The following VILL variants were observed in gnomAD, a reference collection of about 807,000 sequenced individuals.
The protein encoded by VILL is villin like, also known as villin-like protein.
A neutral mutation model predicts 106.3 loss-of-function variants in VILL; 102 were observed. That is an observed-to-expected ratio of 0.96 (90% confidence interval 0.82 to 1.13). The LOEUF (loss-of-function observed/expected upper bound fraction) is 1.13, where lower values mean the gene tolerates loss of function less well. Ranked by LOEUF, VILL falls within the 50% of genes most tolerant of loss-of-function variation. The probability of loss-of-function intolerance (pLI) is 0.00; values close to 1 mark genes in which losing one functional copy is unlikely to be tolerated. For missense variants in VILL, 1,076 were observed against 1,116.6 expected (o/e 0.96, Z 0.52); for synonymous variants, 431 against 440.3 (o/e 0.98, Z 0.27).
intron 1 of VILL, among the ~76,000 whole-genome samples, chr3:37,991,713 A>G (rs1699613074): frequency 6.6e-6 from 1 of 151,990 alleles, no homozygotes; most frequent in African/African-American, 2.4e-5. Flanking sequence ...GACCAGGGAT[A>G]GGAGGGTTCC....
intron 3 of VILL, 52 bp from the exon 4 acceptor site, chr3:37,994,209 C>G: frequency 6.4e-7 from 1 of 1,551,940 alleles, no homozygotes; most frequent in Non-Finnish European, 8.7e-7. Flanking sequence ...CCCTTCTCCA[C>G]CCGCACCTCC....
chr3:37,994,014 C>T (rs1170779600), intron 3 of VILL, 42 bp downstream of exon 3: 1 of 1,608,840 alleles, frequency 6.2e-7, no homozygotes, highest in South Asian at 1.1e-5. Context: ...GGTGGCATGG[C>T]CCGGCACTGG....
intron 4 of VILL, 126 bp from the exon 5 acceptor site, chr3:37,995,613 A>T (rs1293010279): frequency 2.8e-6 from 2 of 710,334 alleles, no homozygotes; most frequent in African/African-American, 3.4e-5. Flanking sequence ...GTTCACACAG[A>T]CTCCAGTGCA....
intron 16 of VILL, among the ~76,000 whole-genome samples, chr3:38,005,212 C>T (rs1699892800): frequency 6.6e-6 from 1 of 152,050 alleles, no homozygotes; most frequent in South Asian, 2.1e-4. Flanking sequence ...CAGAACAAAC[C>T]CAGAGCTCTT....
chr3:38,001,015 C>T (rs770509509), intron 11 of VILL: 33 of 461,182 alleles, frequency 7.2e-5, no homozygotes, highest in Middle Eastern at 6.4e-4. Context: ...GACAGTGTTT[C>T]CCCTTCAGTC....
chr3:38,002,109 A>T (rs746529618), intron 13 of VILL: 29 of 672,286 alleles, frequency 4.3e-5, no homozygotes, highest in Admixed American at 2.9e-4. Flanking sequence ...GCTGCACACT[A>T]GCAAACCTGG....
At position 37,998,327 on chromosome 3, in the gene VILL, GC is replaced by G. The variant is rs1559656819; in HGVS notation, c.907del (p.Leu303SerfsTer29). 1 of 1,614,180 alleles carries G rather than the reference GC, an allele frequency of 6.2e-7. No homozygotes were observed. Among genetic ancestry groups the G allele is most frequent in the Non-Finnish European group, 8.5e-7 (1 of 1,180,014 alleles). On this transcript the variant is annotated frameshift_variant, in exon 9 of 20. Transcript: ENST00000383759. LOFTEE classifies it high-confidence loss of function. The surrounding 1 kb of genome is among the most constrained non-coding windows in gnomAD (Gnocchi z 4.1). ...TATGTGTGGCAGGGACGCATGTCTA[GC>G]CTCCAGGAGAGAAAGGCTGCCTTCA... ...KIYVWQGRMSSLQERKAAFSR... is the reference protein window; with the variant it reads ...KIYVWQGRMSXLQERKAAFSR...
In VILL at chr3:38,006,633, G is replaced by T; in HGVS notation, c.2390G>T (p.Arg797Leu). 1 of 1,613,824 alleles carries T rather than the reference G, an allele frequency of 6.2e-7. No individual in the cohort carries two copies. Among genetic ancestry groups the T allele is most frequent in the Admixed American group, 1.7e-5 (1 of 60,030 alleles). The change falls in exon 19 of 20, where the codon CGC becomes CTC. Residue 797 changes from arginine to leucine, a missense_variant. Arg to Leu is a moderately radical substitution (Grantham distance 102). Coordinates refer to ENST00000383759, the MANE Select transcript of VILL (RefSeq NM_015873.4). ...AGCGCCACGATCAACGGGGGCCTGC[G>T]CCGGGAACAACTGATGCACCAGGCT... Reference protein sequence around the residue: ...STSATINGGLRREQLMHQAVE... With the variant: ...STSATINGGLLREQLMHQAVE...
chr3:38,003,012 G>A (rs753163578), intron 14 of VILL, 156 bp from the exon 15 acceptor site: 18 of 945,878 alleles, frequency 1.9e-5, no homozygotes, highest in Non-Finnish European at 2.6e-5. Context: ...GGCCTGTAGG[G>A]TGAGGAAGAT....
chr3:38,000,246 C>A (rs377216044), intron 11 of VILL, among the ~76,000 whole-genome samples: 3 of 151,948 alleles, frequency 2.0e-5, no homozygotes, highest in Non-Finnish European at 1.5e-5. Flanking sequence ...CTTCCTTTGC[C>A]CTAATATGGA....
chr3:38,006,153 C>G (rs1271868936), intron 17 of VILL, 28 bp from the exon 18 acceptor site: 40 of 1,614,050 alleles, frequency 2.5e-5, no homozygotes, highest in Non-Finnish European at 3.2e-5. Context: ...TGCCCTGGCC[C>G]TGATACTTGC....
At chr3:38,000,346 G>A (rs939978849) in intron 11 of VILL, among the ~76,000 whole-genome samples, 1 of 151,994 alleles carries the variant, frequency 6.6e-6, no homozygotes, top group African/African-American at 2.4e-5. Context: ...GGAAGACAGG[G>A]AAGGAGCACA....
chr3:38,004,307 C>A lies in VILL; in HGVS notation c.1858C>A (p.His620Asn). The A allele has an allele frequency of 6.2e-7, 1 of 1,613,972 alleles. No individual in the cohort carries two copies. Among genetic ancestry groups the A allele is most frequent in the Non-Finnish European group, 8.5e-7 (1 of 1,179,800 alleles). ...GCCACGACTGTTTGAGTGCTCCAGC[C>A]ACATGGGCTGCCTGGTCCTCGCAGA... is the stretch of plus-strand genomic sequence containing the variant. ...FQPRLFECSS[H>N]MGCLVLAEVG... The change falls in exon 16 of 20, where the codon CAC becomes AAC. Residue 620 changes from histidine (H) to asparagine (N), a missense_variant. His to Asn is a moderately conservative substitution (Grantham distance 68). Transcript: ENST00000383759.
chr3:38,007,006 T>C lies in VILL; in HGVS notation c.2522T>C (p.Met841Thr), dbSNP rs1475753663. 2 of 1,614,138 alleles carry C rather than the reference T, an allele frequency of 1.2e-6. No homozygotes were observed. The highest frequency in any genetic ancestry group is 1.7e-6 in the Non-Finnish European group (2 of 1,180,024). The stretch of plus-strand genomic sequence containing the variant: ...AAATCCAAGGAGGAATTCTACAGCA[T>C]GGCCACGTGGAGGCAGCGGCAGGAG... ...FGKSKEEFYS[M>T]ATWRQRQEKK... Residue 841 changes from methionine (M) to threonine (T), a missense_variant, in exon 20 of 20, where the codon ATG becomes ACG. Met to Thr is a moderately conservative substitution (Grantham distance 81). Coordinates refer to ENST00000383759, the MANE Select transcript of VILL (RefSeq NM_015873.4).
chr3:37,993,325 C>G, intron 1 of VILL: 2 of 291,520 alleles, frequency 6.9e-6, no homozygotes, highest in Admixed American at 4.9e-5. Flanking sequence ...TCAGCTGAAG[C>G]GGGAAGATCA....
upstream of VILL, among the ~76,000 whole-genome samples, chr3:37,989,785 G>T (rs1379881880): frequency 6.6e-6 from 1 of 152,158 alleles, no homozygotes; most frequent in Non-Finnish European, 1.5e-5. Context: ...CACACATGAG[G>T]TCGGACAGGC....
chr3:37,988,603 C>G (rs1404957711), upstream of VILL, among the ~76,000 whole-genome samples: 1 of 152,232 alleles, frequency 6.6e-6, no homozygotes, highest in East Asian at 1.9e-4. Flanking sequence ...TGGCTTACGC[C>G]TGTAATCCCA....
chr3:37,997,988 C>G lies in VILL; in HGVS notation c.765-102C>G. On this transcript the variant is annotated intron_variant, in intron 7 of 19. Transcript: ENST00000383759. The surrounding 1 kb of genome is among the most constrained non-coding windows in gnomAD (Gnocchi z 4.7). The stretch of plus-strand genomic sequence containing the variant: ...CAACTCGGGGCCCCAGCCCCCATGC[C>G]TTCTGTCTCTGAGGGACTGGGGTGG... 1 of 1,247,046 alleles carries G rather than the reference C, an allele frequency of 8.0e-7. No individual in the cohort carries two copies. Among genetic ancestry groups the G allele is most frequent in the South Asian group, 1.4e-5 (1 of 69,016 alleles). The allele number at this position is 1,247,046 out of a possible 1,614,324, so 77.2% of individuals were successfully genotyped here.
At chr3:38,002,737 G>A in intron 14 of VILL, 162 bp downstream of exon 14, 2 of 868,006 alleles carry the variant, frequency 2.3e-6, no homozygotes, top group Non-Finnish European at 3.4e-6. Context: ...TAGAACTTGG[G>A]GAAAGTTACA....
Sources: allele counts gnomAD v4.1 joint callset (sites outside exome capture counted in the v4.1 genomes callset), GRCh38; gene constraint gnomAD v4.1.1; non-coding constraint Gnocchi (gnomAD v3.1); transcripts MANE v1.5; gene names NCBI Gene and HGNC (gene_info 2026-07-23, HGNC 2026-07-21).